ANO3: variants seen among roughly 807,000 people sequenced by gnomAD.
ANO3 encodes anoctamin-3.
In ANO3, 99 loss-of-function variants were observed where a neutral mutation model predicts 144.8. That is an observed-to-expected ratio of 0.68 (90% CI 0.58 to 0.81). ANO3 has a LOEUF of 0.81. Ranked by LOEUF, ANO3 falls within the 30% of genes least tolerant of loss-of-function variation. The pLI, the probability that ANO3 is intolerant of heterozygous loss-of-function variation, is 0.00. For synonymous variants in ANO3, 414 were observed against 392.6 expected (o/e 1.05, Z -0.64); for missense variants, 905 against 1,202.2 (o/e 0.75, Z 3.66).
intron 1 of ANO3, among the ~76,000 whole-genome samples, chr11:26,286,589 T>C (rs1853812671): frequency 6.6e-6 from 1 of 152,218 alleles, no homozygotes; most frequent in African/African-American, 2.4e-5. Context: ...TGCCTTGGGA[T>C]CTTGTTAAAA....
At chr11:26,316,793 G>A (rs1299886766) in intron 1 of ANO3, among the ~76,000 whole-genome samples, 1 of 152,112 alleles carries the variant, frequency 6.6e-6, no homozygotes, top group Non-Finnish European at 1.5e-5. Context: ...AGGAATCTTG[G>A]TGATGTGAAA....
intron 1 of ANO3, among the ~76,000 whole-genome samples, chr11:26,394,408 A>G (rs1856952865): frequency 6.6e-6 from 1 of 152,050 alleles, no homozygotes; most frequent in Admixed American, 6.6e-5. Context: ...AAAATCCACA[A>G]AACTCTAATG....
chr11:26,311,794 C>A (rs1054921359), intron 1 of ANO3, among the ~76,000 whole-genome samples: 1 of 152,102 alleles, frequency 6.6e-6, no homozygotes, highest in Non-Finnish European at 1.5e-5. Flanking sequence ...TGTGAGTTTT[C>A]TAGGGAATTG....
chr11:26,497,150 A>G (rs533141381), intron 4 of ANO3, among the ~76,000 whole-genome samples: 3 of 151,926 alleles, frequency 2.0e-5, no homozygotes, highest in Admixed American at 6.6e-5. Flanking sequence ...AAATATGTAT[A>G]CAGACATACA....
chr11:26,647,679 G>T, intron 23 of ANO3, 30 bp from the exon 24 acceptor site: 1 of 1,568,770 alleles, frequency 6.4e-7, no homozygotes, highest in Non-Finnish European at 8.7e-7. Flanking sequence ...CTTCATTTTT[G>T]TTCACCATGA....
Position 26,428,698 on chromosome 11 carries a change from A to C in ANO3, c.47-13220A>C, listed in dbSNP as rs77736853. Among the ~76,000 whole-genome samples the C allele has an allele frequency of 9.7e-3, 1,469 of 150,794 alleles. 19 individuals are homozygous for C. The highest frequency in any genetic ancestry group is 0.033 in the African/African-American group (1,359 of 41,050). On this transcript the variant is annotated intron_variant, in intron 1 of 26. Coordinates refer to ENST00000256737, the MANE Select transcript of ANO3 (RefSeq NM_031418.4). Reference sequence around the variant, plus strand: ...GATGATCAATCTAAGACAAAATCAGATGAAGAAACAATTTGTTCCTTGTAG... The same window carrying C: ...GATGATCAATCTAAGACAAAATCAGCTGAAGAAACAATTTGTTCCTTGTAG...
At chr11:26,449,524 C>T (rs969431807) in intron 3 of ANO3, among the ~76,000 whole-genome samples, 8 of 141,700 alleles carry the variant, frequency 5.6e-5, no homozygotes, top group Non-Finnish European at 9.4e-5. Flanking sequence ...CACACACGCA[C>T]GCACATCTCT....
At chr11:26,387,999 C>A (rs1856779195) in intron 1 of ANO3, among the ~76,000 whole-genome samples, 1 of 146,572 alleles carries the variant, frequency 6.8e-6, no homozygotes, top group Non-Finnish European at 1.5e-5. Flanking sequence ...AGATTATGGT[C>A]ATTTATTTTA....
chr11:26,545,941 T>C (rs1849775713), intron 11 of ANO3, among the ~76,000 whole-genome samples: 1 of 151,960 alleles, frequency 6.6e-6, no homozygotes, highest in South Asian at 2.1e-4. Flanking sequence ...TACTTTTACT[T>C]AGGTGACTAT....
At chr11:26,611,989 C>A (rs1317210241) in intron 17 of ANO3, among the ~76,000 whole-genome samples, 1 of 152,046 alleles carries the variant, frequency 6.6e-6, no homozygotes, top group Non-Finnish European at 1.5e-5. Flanking sequence ...TTCAGCCTAC[C>A]TTTGTCTTAA....
At chr11:26,545,091 A>G (rs1481845835) in intron 11 of ANO3, among the ~76,000 whole-genome samples, 2 of 152,046 alleles carry the variant, frequency 1.3e-5, no homozygotes, top group African/African-American at 2.4e-5. Context: ...CCATTTTTCT[A>G]CAACCAGAAG....
intron 1 of ANO3, among the ~76,000 whole-genome samples, chr11:26,352,608 A>G (rs908957123): frequency 2.0e-5 from 3 of 152,206 alleles, no homozygotes; most frequent in Non-Finnish European, 4.4e-5. Context: ...GATCTTTGCC[A>G]GTACATAAAT....
Position 26,255,003 on chromosome 11 carries a change from C to T in ANO3, c.155-54642C>T, listed in dbSNP as rs116866495. On this transcript the variant is annotated intron_variant, in intron 1 of 27. Transcript: ENST00000672621. ...TGAGTGACAGACCCGGAATTCAAAT[C>T]AAATCCCACATTGTGTTCGGTCCAT... is the stretch of plus-strand genomic sequence containing the variant. Among the ~76,000 whole-genome samples, 589 of 152,218 alleles carry T rather than the reference C, an allele frequency of 3.9e-3. 5 individuals are homozygous for T. The highest frequency in any genetic ancestry group is 0.014 in the Middle Eastern group (4 of 294).
At chr11:26,469,451 T>C (rs926870912) in intron 4 of ANO3, among the ~76,000 whole-genome samples, 4 of 151,882 alleles carry the variant, frequency 2.6e-5, no homozygotes, top group African/African-American at 9.7e-5. Flanking sequence ...AGTCAATTAT[T>C]TGGAAAGAGT....
chr11:26,368,450 GA>G (rs147161878), intron 1 of ANO3, among the ~76,000 whole-genome samples: 29 of 152,216 alleles, frequency 1.9e-4, no homozygotes, highest in African/African-American at 6.7e-4. Context: ...TCCATTTCCT[GA>G]AAATAATAGA....
At chr11:26,628,804 G>A (rs1227360303) in intron 18 of ANO3, among the ~76,000 whole-genome samples, 1 of 152,134 alleles carries the variant, frequency 6.6e-6, no homozygotes, top group Non-Finnish European at 1.5e-5. Flanking sequence ...GTGTGTAAGA[G>A]GGCCTCTTCA....
chr11:26,360,039 TTC>T (rs1041724607), intron 1 of ANO3, among the ~76,000 whole-genome samples: 43 of 152,086 alleles, frequency 2.8e-4, no homozygotes, highest in Admixed American at 6.5e-4. Flanking sequence ...TATCTACTTA[TTC>T]TCTATTTGTT....
At chr11:26,514,128 C>T (rs145662779) in intron 5 of ANO3, among the ~76,000 whole-genome samples, 164 of 150,658 alleles carry the variant, frequency 1.1e-3, no homozygotes, top group African/African-American at 3.9e-3. Flanking sequence ...CAGAGAAAAA[C>T]ATTTAACTCA....
chr11:26,455,015 A>G (rs1293491458), intron 3 of ANO3, among the ~76,000 whole-genome samples: 4 of 151,370 alleles, frequency 2.6e-5, no homozygotes, highest in African/African-American at 9.7e-5. Context: ...CTTTGACAAA[A>G]TTCAACAACA....
Sources: allele counts gnomAD v4.1 joint callset (sites outside exome capture counted in the v4.1 genomes callset), GRCh38; gene constraint gnomAD v4.1.1; transcripts MANE v1.5; gene names NCBI Gene and HGNC (gene_info 2026-07-23, HGNC 2026-07-21).